The following OTUD6B variants were observed in gnomAD, a reference collection of about 807,000 sequenced individuals.
The protein encoded by OTUD6B is OTU deubiquitinase 6B, also known as deubiquitinase OTUD6B.
OTUD6B carries 41 observed loss-of-function variants against 36.9 expected under a neutral mutation model. That is an observed-to-expected ratio of 1.11 (90% CI 0.87 to 1.44). OTUD6B has a LOEUF of 1.44. Among genes scored for constraint, OTUD6B ranks in the 40% most tolerant of loss-of-function variants. The pLI, the probability that OTUD6B is intolerant of heterozygous loss-of-function variation, is 0.00. For missense variants in OTUD6B, 356 were observed against 344.8 expected, an observed-to-expected ratio of 1.03 and a Z score of -0.26; for synonymous variants, 114 against 114.2, an observed-to-expected ratio of 1.00 and a Z score of 0.01.
At position 91,073,902 on chromosome 8, in the gene OTUD6B, A is replaced by G; in HGVS notation, c.306A>G (p.Gln102=). 6.3e-7 allele frequency: 1 copy of G among 1,588,918 alleles called. No individual in the cohort carries two copies. The highest frequency in any genetic ancestry group is 8.6e-7 in the Non-Finnish European group (1 of 1,165,658). ...ENQPPRISKA[Q]KRREKKAALE... The stretch of plus-strand genomic sequence containing the variant: ...AGCCACCTCGGATATCAAAAGCACA[A>G]AAGAGACGGGTATGAAAGTCATGTC... The change falls in exon 3 of 7, where the codon CAA becomes CAG. Residue 102 remains glutamine (Q), a synonymous_variant. Transcript: ENST00000404789.
In OTUD6B at chr8:91,070,371, G is replaced by A. The variant is rs768495853; in HGVS notation, c.-14G>A. On this transcript the variant is annotated 5_prime_UTR_variant, in exon 1 of 7. Coordinates refer to ENST00000404789, the MANE Select transcript of OTUD6B (RefSeq NM_016023.5). ...AGGTTTCTTCTAGCGCGTGTGCTGG[G>A]GTACCTGGTCGTCATGGAGGCGGTA... The A allele has an allele frequency of 1.7e-5, 28 of 1,611,790 alleles. No individual in the cohort carries two copies. Among genetic ancestry groups the A allele is most frequent in the South Asian group, 4.4e-5 (4 of 90,528 alleles).
chr8:91,086,147 A>C lies in OTUD6B; in HGVS notation c.*1279A>C, dbSNP rs1198703690. The C allele has an allele frequency of 6.6e-6, 1 of 152,058 alleles. No individual in the cohort carries two copies. Among genetic ancestry groups the C allele is most frequent in the Admixed American group, 6.6e-5 (1 of 15,230 alleles). 9.4% of individuals were successfully genotyped at this position (152,058 alleles called of 1,614,324 possible). On this transcript the variant is annotated 3_prime_UTR_variant, in exon 7 of 7. Coordinates refer to ENST00000404789, the MANE Select transcript of OTUD6B (RefSeq NM_016023.5). ...ATGAAAATGAGACTTTTTTAGTTTGATGTGTGTTTCCCAAACTAGAGATAA... is the reference window on the plus strand; with the variant it reads ...ATGAAAATGAGACTTTTTTAGTTTGCTGTGTGTTTCCCAAACTAGAGATAA...
At chr8:91,080,761 G>C (rs1467496162) in intron 5 of OTUD6B, 31 bp downstream of exon 5, 1 of 1,516,824 alleles carries the variant, frequency 6.6e-7, no homozygotes, top group Admixed American at 1.9e-5. Flanking sequence ...AGTGATTGTG[G>C]GTTGTTAAAT....
chr8:91,078,784 C>CG, intron 4 of OTUD6B, 116 bp downstream of exon 4: 1 of 578,084 alleles, frequency 1.7e-6, no homozygotes. Flanking sequence ...GAGGAAAAAA[C>CG]ATCACAAGAT....
intron 3 of OTUD6B, chr8:91,076,690 A>G: frequency 7.5e-7 from 1 of 1,330,442 alleles, no homozygotes; most frequent in South Asian, 1.3e-5. Flanking sequence ...CTGTTTCCTC[A>G]GAAGAGGAAA....
At chr8:91,070,948 GTT>G (rs376355918) in intron 1 of OTUD6B, 188 bp from the exon 2 acceptor site, 2,567 of 506,028 alleles carry the variant, frequency 5.1e-3, no homozygotes, top group Non-Finnish European at 5.9e-3. Context: ...TGTTAATGAA[GTT>G]TTTTTTTTTT....
rs1415750552 is a variant in OTUD6B at position 91,070,526 on chromosome 8, G to A, written c.82+60G>A. The A allele has an allele frequency of 3.4e-6, 5 of 1,481,496 alleles. No individual in the cohort carries two copies. In the Admixed American group the frequency reaches 7.9e-5, roughly 23 times the overall value. 91.8% of individuals were successfully genotyped at this position (1,481,496 alleles called of 1,614,324 possible). A position where few individuals can be genotyped will look rare whatever the true frequency, so the allele number is the denominator to read the frequency against. ...CGCGACTGGGGGAAGGGCGCGTGGC[G>A]GGTCGATTCTGGGGAATCTCAAGGC... On this transcript the variant is annotated intron_variant, in intron 1 of 6. Coordinates refer to ENST00000404789, the MANE Select transcript of OTUD6B (RefSeq NM_016023.5).
Position 91,078,647 on chromosome 8 carries a change from A to G in OTUD6B, c.607A>G (p.Thr203Ala), listed in dbSNP as rs1474286426. The G allele has an allele frequency of 6.3e-6, 10 of 1,581,688 alleles. No homozygotes were observed. The highest frequency in any genetic ancestry group is 4.3e-6 in the Non-Finnish European group (5 of 1,162,000). The stretch of plus-strand genomic sequence containing the variant: ...TCTGCCATTTTTAACAAACCCTAAT[A>G]CAGGAGATATGTATACTCCAGGTAA... ...DFLPFLTNPN[T>A]GDMYTPEEFQ... The change falls in exon 4 of 7, where the codon ACA (threonine) becomes GCA (alanine). Residue 203 changes from threonine (T) to alanine (A), a missense_variant. Physicochemically the swap from Thr to Ala is moderately conservative, Grantham distance 58 (BLOSUM62 0). Transcript: ENST00000404789.
rs1047346525 is a variant in OTUD6B, at chr8:91,080,646, G to A, written c.629-23G>A. The stretch of plus-strand genomic sequence containing the variant: ...TGAGTTACAAAAATTATTAAGTGCT[G>A]TATTCTGACCTAATCTCTACAGAAG... On this transcript the variant is annotated intron_variant, in intron 4 of 6. Coordinates refer to ENST00000404789, the MANE Select transcript of OTUD6B (RefSeq NM_016023.5). 3.2e-6 allele frequency: 5 copies of A among 1,579,014 alleles called. No individual in the cohort carries two copies. In the Admixed American group the frequency reaches 5.5e-5, roughly 17 times the overall value.
chr8:91,070,992 T>C (rs1261768542), intron 1 of OTUD6B, 146 bp from the exon 2 acceptor site: 5 of 1,373,876 alleles, frequency 3.6e-6, no homozygotes, highest in Non-Finnish European at 4.7e-6. Flanking sequence ...ATCTTCTCTC[T>C]CTGTAGCTGC....
At chr8:91,071,592 C>T (rs1283934659) in intron 2 of OTUD6B, among the ~76,000 whole-genome samples, 4 of 152,140 alleles carry the variant, frequency 2.6e-5, no homozygotes, top group African/African-American at 9.7e-5. Flanking sequence ...TTGTGATCCA[C>T]CCGCCTCGGC....
chr8:91,078,658 G>A lies in OTUD6B; in HGVS notation c.618G>A (p.Met206Ile), dbSNP rs539885905. 1.9e-5 allele frequency: 29 copies of A among 1,546,762 alleles called. 1 individual carries two copies. The South Asian group carries it at 2.3e-4, about 12-fold the overall frequency. ...PFLTNPNTGD[M>I]YTPEEFQKYC... ...TAACAAACCCTAATACAGGAGATAT[G>A]TATACTCCAGGTAATTTATTTTTCT... The change falls in exon 4 of 7, where the codon ATG (methionine) becomes ATA (isoleucine). Residue 206 changes from methionine (M) to isoleucine (I), a missense_variant. Coordinates refer to ENST00000404789, the MANE Select transcript of OTUD6B (RefSeq NM_016023.5).
intron 5 of OTUD6B, among the ~76,000 whole-genome samples, chr8:91,081,733 A>G (rs556782004): frequency 2.6e-4 from 39 of 152,122 alleles, no homozygotes; most frequent in Non-Finnish European, 5.1e-4. Flanking sequence ...TAAATAATTC[A>G]CTTTAAGAAC....
At chr8:91,078,121 A>T (rs944123886) in intron 3 of OTUD6B, 1 of 359,850 alleles carries the variant, frequency 2.8e-6, no homozygotes, top group African/African-American at 2.2e-5. Flanking sequence ...AAGAAAAATT[A>T]GAGGGCTTTC....
chr8:91,084,642 A>T (rs1394793841), intron 6 of OTUD6B, 142 bp from the exon 7 acceptor site: 4 of 948,056 alleles, frequency 4.2e-6, no homozygotes, highest in Middle Eastern at 8.2e-4. Flanking sequence ...CTTAATTAAT[A>T]TGTCCACATA....
rs1563582667 is a variant in OTUD6B, at chr8:91,080,506, G to A, written c.629-163G>A. On this transcript the variant is annotated intron_variant, in intron 4 of 6. Coordinates refer to ENST00000404789, the MANE Select transcript of OTUD6B (RefSeq NM_016023.5). ...GTGGTAGAAAGTTGGGGTGAATTAA[G>A]TTTGGACCTGGGAGTTAGATTAGAT... 7.5e-6 allele frequency: 7 copies of A among 929,692 alleles called. No homozygotes were observed. In the African/African-American group the frequency reaches 8.9e-5, roughly 12 times the overall value. 57.6% of individuals were successfully genotyped at this position (929,692 alleles called of 1,614,324 possible). A position where few individuals can be genotyped will look rare whatever the true frequency, so the allele number is the denominator to read the frequency against.
chr8:91,083,429 T>C (rs1006399142), intron 5 of OTUD6B, among the ~76,000 whole-genome samples: 6 of 152,146 alleles, frequency 3.9e-5, no homozygotes, highest in African/African-American at 7.2e-5. Context: ...AACTGTGGCA[T>C]TGATATTTTT....
chr8:91,078,871 T>C (rs1199243541), intron 4 of OTUD6B: 2 of 422,478 alleles, frequency 4.7e-6, no homozygotes, highest in Non-Finnish European at 8.4e-6. Flanking sequence ...ATTACTTAGT[T>C]ATTTTGTAAT....
Position 91,085,369 on chromosome 8 carries a change from T to C in OTUD6B, c.*501T>C, listed in dbSNP as rs1586210881. On this transcript the variant is annotated 3_prime_UTR_variant, in exon 7 of 7. Transcript: ENST00000404789. ...GTAACCATGGTATCGATGAGACTAA[T>C]GCAGTGAAGCTTTATTACTAATATA... 1 of 152,034 alleles carries C rather than the reference T, an allele frequency of 6.6e-6. No homozygotes were observed. The highest frequency in any genetic ancestry group is 1.5e-5 in the Non-Finnish European group (1 of 67,954). The allele number at this position is 152,034 out of a possible 1,614,324, so 9.4% of individuals were successfully genotyped here. A position where few individuals can be genotyped will look rare whatever the true frequency, so the allele number is the denominator to read the frequency against.
Sources: gnomAD v4.1 joint callset for allele counts (sites outside exome capture counted in the v4.1 genomes callset) on GRCh38, gnomAD v4.1.1 for gene constraint, MANE v1.5 for transcripts, NCBI Gene and HGNC (gene_info 2026-07-23, HGNC 2026-07-21) for gene names.